The following POU6F2 variants were observed in gnomAD, a reference collection of about 807,000 sequenced individuals.
The protein encoded by POU6F2 is POU domain, class 6, transcription factor 2.
A neutral mutation model predicts 71.3 loss-of-function variants in POU6F2; 31 were observed. The observed-to-expected ratio is 0.43, with a 90% CI of 0.33 to 0.59. POU6F2 has a LOEUF of 0.59. Ranked by LOEUF, POU6F2 falls within the 20% of genes least tolerant of loss-of-function variation. POU6F2 has a pLI of 0.04. For missense variants in POU6F2, 783 were observed against 856.8 expected (o/e 0.91, Z 1.07); for synonymous variants, 347 against 355.7 (o/e 0.98, Z 0.27).
At chr7:39,228,399 C>A (rs1236477321) in intron 4 of POU6F2, among the ~76,000 whole-genome samples, 2 of 152,178 alleles carry the variant, frequency 1.3e-5, no homozygotes, top group Non-Finnish European at 2.9e-5. Flanking sequence ...AAGCACATAG[C>A]CCTCCCACCA....
At chr7:38,994,985 T>C (rs1788698967) in intron 1 of POU6F2, among the ~76,000 whole-genome samples, 1 of 152,196 alleles carries the variant, frequency 6.6e-6, no homozygotes, top group Non-Finnish European at 1.5e-5. Flanking sequence ...TATTGAAAGC[T>C]TTTCAAACAT....
rs1562562590 is a variant in POU6F2 at position 39,464,070 on chromosome 7, G to A, written c.1659-112G>A. On this transcript the variant is annotated intron_variant, in intron 9 of 9. Transcript: ENST00000518318. The surrounding 1 kb of genome is among the most constrained non-coding windows in gnomAD (Gnocchi z 4.1). ...GGCAGGGCTGGCTACCTTGCAGCTG[G>A]CTATTAACCTGCAGTAAATTCGCCC... 1 of 1,379,454 alleles carries A rather than the reference G, an allele frequency of 7.2e-7. No homozygotes were observed. The allele number at this position is 1,379,454 out of a possible 1,614,324, so 85.5% of individuals were successfully genotyped here. A position where few individuals can be genotyped will look rare whatever the true frequency, so the allele number is the denominator to read the frequency against.
intron 2 of POU6F2, among the ~76,000 whole-genome samples, chr7:39,136,910 G>A (rs1287308891): frequency 2.0e-5 from 3 of 151,376 alleles, no homozygotes; most frequent in Non-Finnish European, 2.9e-5. Flanking sequence ...AGCTATGCAG[G>A]AGGCTGAGAT....
chr7:39,080,392 C>A (rs1488208530), intron 1 of POU6F2, among the ~76,000 whole-genome samples: 31 of 152,088 alleles, frequency 2.0e-4, no homozygotes, highest in Non-Finnish European at 1.2e-4. Context: ...CAATTTTTAC[C>A]TCTTCTCCGT....
chr7:39,274,195 C>G (rs1784392349), intron 4 of POU6F2, among the ~76,000 whole-genome samples: 1 of 151,968 alleles, frequency 6.6e-6, no homozygotes, highest in Non-Finnish European at 1.5e-5. Context: ...CAAATAGACA[C>G]AATAAAAAAT....
At chr7:39,004,699 A>ACTT (rs1789009194) in intron 1 of POU6F2, among the ~76,000 whole-genome samples, 1 of 152,204 alleles carries the variant, frequency 6.6e-6, no homozygotes, top group Non-Finnish European at 1.5e-5. Flanking sequence ...CATGAATGAT[A>ACTT]CTTGTCTGGG....
At chr7:39,160,569 A>T (rs1792974603) in intron 2 of POU6F2, among the ~76,000 whole-genome samples, 1 of 152,164 alleles carries the variant, frequency 6.6e-6, no homozygotes, top group South Asian at 2.1e-4. Context: ...ACTGATATTC[A>T]TCTAAAACTG....
chr7:39,128,285 A>G (rs1792185605), intron 2 of POU6F2, among the ~76,000 whole-genome samples: 1 of 152,202 alleles, frequency 6.6e-6, no homozygotes, highest in Non-Finnish European at 1.5e-5. Flanking sequence ...CATTTCTATA[A>G]GATTAAATTC....
chr7:39,299,578 G>A (rs190562641), intron 4 of POU6F2, among the ~76,000 whole-genome samples: 129 of 152,286 alleles, frequency 8.5e-4, no homozygotes, highest in South Asian at 2.1e-3. Context: ...GGTAATGAGG[G>A]GCTTGAGTTG....
intron 4 of POU6F2, among the ~76,000 whole-genome samples, chr7:39,319,732 C>G (rs1785346914): frequency 6.6e-6 from 1 of 152,214 alleles, no homozygotes; most frequent in Non-Finnish European, 1.5e-5. Context: ...CAACACAGGT[C>G]TGATGTGACT....
At chr7:39,089,162 C>G (rs1189648331) in intron 2 of POU6F2, among the ~76,000 whole-genome samples, 1 of 152,188 alleles carries the variant, frequency 6.6e-6, no homozygotes, top group Non-Finnish European at 1.5e-5. Context: ...TTAACTTGAA[C>G]AGCCATGGAA....
chr7:39,078,665 A>G (rs1227807166), intron 1 of POU6F2, among the ~76,000 whole-genome samples: 1 of 152,186 alleles, frequency 6.6e-6, no homozygotes, highest in Non-Finnish European at 1.5e-5. Flanking sequence ...ACGGGTCAGC[A>G]AACTTTTTCT....
intron 4 of POU6F2, among the ~76,000 whole-genome samples, chr7:39,302,847 A>G (rs923650146): frequency 3.3e-5 from 5 of 152,240 alleles, no homozygotes; most frequent in Non-Finnish European, 7.3e-5. Flanking sequence ...TGAGTGACTG[A>G]ACGTCAGAGA....
chr7:39,166,224 C>G (rs905824363), intron 2 of POU6F2, among the ~76,000 whole-genome samples: 6 of 152,198 alleles, frequency 3.9e-5, no homozygotes, highest in African/African-American at 1.2e-4. Context: ...ACTTTTAGGT[C>G]TGGTTTTTCA....
chr7:39,071,654 AAC>A (rs10522287), intron 1 of POU6F2, among the ~76,000 whole-genome samples: 4,242 of 141,938 alleles, frequency 0.03, 107 homozygotes, highest in African/African-American at 0.073. Flanking sequence ...TCTCTAAAGA[AAC>A]ACACACACAC....
intron 5 of POU6F2, among the ~76,000 whole-genome samples, chr7:39,341,846 C>T (rs1027134510): frequency 4.6e-5 from 7 of 152,162 alleles, no homozygotes; most frequent in Non-Finnish European, 1.0e-4. Flanking sequence ...TGTTGAATGA[C>T]TGTTGACAGG....
chr7:39,056,140 G>T (rs566574039), intron 1 of POU6F2, among the ~76,000 whole-genome samples: 1 of 152,102 alleles, frequency 6.6e-6, no homozygotes, highest in African/African-American at 2.4e-5. Flanking sequence ...ATACAGGGCT[G>T]TCATCTGTAT....
At chr7:39,256,297 C>T (rs546753874) in intron 4 of POU6F2, among the ~76,000 whole-genome samples, 39 of 152,196 alleles carry the variant, frequency 2.6e-4, no homozygotes, top group Non-Finnish European at 5.0e-4. Flanking sequence ...TCTGGTGGGG[C>T]AAAAGGACAA....
chr7:39,244,197 G>T (rs558618630), intron 4 of POU6F2, among the ~76,000 whole-genome samples: 1 of 152,254 alleles, frequency 6.6e-6, no homozygotes, highest in Admixed American at 6.5e-5. Context: ...TAAATTTCAA[G>T]TACTGTCATT....
Sources: gnomAD v4.1 joint callset for allele counts (sites outside exome capture counted in the v4.1 genomes callset) on GRCh38, gnomAD v4.1.1 for gene constraint, Gnocchi (gnomAD v3.1) non-coding constraint, MANE v1.5 for transcripts, NCBI Gene and HGNC (gene_info 2026-07-23, HGNC 2026-07-21) for gene names.